Variants in CDH13 observed in about 807,000 individuals in gnomAD.
CDH13 encodes the protein cadherin 13.
A neutral mutation model predicts 63.8 loss-of-function variants in CDH13; 24 were observed. That is an observed-to-expected ratio of 0.38 (90% CI 0.27 to 0.53). The LOEUF is 0.53. Ranked by LOEUF, CDH13 falls within the 20% of genes least tolerant of loss-of-function variation. The pLI is 0.85. For synonymous variants in CDH13, 503 were observed against 355.3 expected, an observed-to-expected ratio of 1.42 and a Z score of -4.67; for missense variants, 1,049 against 903.1, an observed-to-expected ratio of 1.16 and a Z score of -2.07.
At chr16:82,672,814 C>A (rs535868684) in intron 1 of CDH13, among the ~76,000 whole-genome samples, 4 of 151,242 alleles carry the variant, frequency 2.6e-5, no homozygotes, top group African/African-American at 9.7e-5. Flanking sequence ...CACACACACA[C>A]ACAAAATATA....
At chr16:82,776,528 T>C (rs927941249) in intron 1 of CDH13, among the ~76,000 whole-genome samples, 5 of 152,230 alleles carry the variant, frequency 3.3e-5, no homozygotes, top group Non-Finnish European at 7.3e-5. Flanking sequence ...GCAAGTATTA[T>C]AATGTGCAGA....
chr16:82,848,137 C>A (rs143463764), intron 1 of CDH13, among the ~76,000 whole-genome samples: 1 of 152,146 alleles, frequency 6.6e-6, no homozygotes, highest in East Asian at 1.9e-4. Context: ...TGAGAAAGTT[C>A]ATTGACACTA....
At chr16:83,074,918 C>A (rs564759608) in intron 3 of CDH13, among the ~76,000 whole-genome samples, 1 of 152,242 alleles carries the variant, frequency 6.6e-6, no homozygotes, top group African/African-American at 2.4e-5. Flanking sequence ...GTGTCCAACA[C>A]TTATAATGAG....
At chr16:83,247,984 C>CAGGCTGTTGA (rs930231369) in intron 5 of CDH13, among the ~76,000 whole-genome samples, 2 of 152,098 alleles carry the variant, frequency 1.3e-5, no homozygotes, top group Non-Finnish European at 2.9e-5. Context: ...CAGGAAGCCC[C>CAGGCTGTTGA]AGGCTGTTGA....
chr16:82,798,968 T>C (rs1040889547), intron 1 of CDH13, among the ~76,000 whole-genome samples: 19 of 152,258 alleles, frequency 1.2e-4, no homozygotes, highest in African/African-American at 4.3e-4. Flanking sequence ...CAGAGTTATT[T>C]AGGACCTGAC....
At chr16:83,526,897 C>G (rs1296717153) in intron 7 of CDH13, among the ~76,000 whole-genome samples, 1 of 152,070 alleles carries the variant, frequency 6.6e-6, no homozygotes, top group Non-Finnish European at 1.5e-5. Flanking sequence ...TTTGGGAGGC[C>G]AAGGCGGGCA....
chr16:82,962,570 G>T (rs1370538350), intron 2 of CDH13, among the ~76,000 whole-genome samples: 1 of 152,174 alleles, frequency 6.6e-6, no homozygotes, highest in Non-Finnish European at 1.5e-5. Context: ...AACTCATAAG[G>T]CTGAAGACAG....
chr16:83,421,285 C>T (rs901339614), intron 6 of CDH13, among the ~76,000 whole-genome samples: 1 of 152,094 alleles, frequency 6.6e-6, no homozygotes, highest in African/African-American at 2.4e-5. Context: ...CTATATTAAG[C>T]TGCAAATAAA....
chr16:83,006,701 C>G (rs1913534420), intron 2 of CDH13, among the ~76,000 whole-genome samples: 1 of 152,032 alleles, frequency 6.6e-6, no homozygotes, highest in Non-Finnish European at 1.5e-5. Flanking sequence ...TAGCCAGGAG[C>G]CCTTACTGAT....
chr16:83,537,836 A>T lies in CDH13; in HGVS notation c.960+51181A>T, dbSNP rs371318700. ...ATCAGGCCATTATACCAATCTTCCC[A>T]TGTTTCCTACCATATTTCTAAAAGA... On this transcript the variant is annotated intron_variant, in intron 7 of 13. Transcript: ENST00000567109. Among the ~76,000 whole-genome samples, 15 of 152,296 alleles carry T rather than the reference A, an allele frequency of 9.8e-5. No homozygotes were observed. The South Asian group carries it at 2.1e-3, about 21-fold the overall frequency.
intron 13 of CDH13, among the ~76,000 whole-genome samples, chr16:83,787,079 A>G (rs563325361): frequency 5.3e-5 from 8 of 152,196 alleles, no homozygotes; most frequent in Non-Finnish European, 1.0e-4. Flanking sequence ...TCACTCACAC[A>G]CATTCACACA....
intron 7 of CDH13, among the ~76,000 whole-genome samples, chr16:83,497,767 G>T (rs141979910): frequency 8.9e-4 from 135 of 152,310 alleles, no homozygotes; most frequent in African/African-American, 3.2e-3. Context: ...GCCAGCACTG[G>T]TCTATTAGAT....
At chr16:83,566,054 C>T (rs1567769065) in intron 7 of CDH13, among the ~76,000 whole-genome samples, 1 of 152,328 alleles carries the variant, frequency 6.6e-6, no homozygotes, top group South Asian at 2.1e-4. Context: ...GGCTACAGAA[C>T]TGTGTTCATC....
At chr16:83,255,971 T>C (rs1906210780) in intron 5 of CDH13, among the ~76,000 whole-genome samples, 1 of 152,178 alleles carries the variant, frequency 6.6e-6, no homozygotes, top group Admixed American at 6.5e-5. Context: ...GAAGATTTGA[T>C]GCAGACCCAA....
At chr16:83,449,620 A>G (rs1017682325) in intron 6 of CDH13, among the ~76,000 whole-genome samples, 11 of 152,192 alleles carry the variant, frequency 7.2e-5, no homozygotes, top group African/African-American at 2.7e-4. Flanking sequence ...AATACACAGG[A>G]TGCAGTTCCC....
At chr16:83,234,431 A>G (rs749760440) in intron 5 of CDH13, among the ~76,000 whole-genome samples, 57 of 152,114 alleles carry the variant, frequency 3.7e-4, no homozygotes, top group Non-Finnish European at 6.5e-4. Flanking sequence ...TGGAGAGGAT[A>G]GGTGATTAGA....
intron 5 of CDH13, among the ~76,000 whole-genome samples, chr16:83,311,277 ATGTG>A (rs1369840910): frequency 6.6e-6 from 1 of 152,032 alleles, no homozygotes; most frequent in Non-Finnish European, 1.5e-5. Flanking sequence ...TCTTATCAGG[ATGTG>A]TGTCCCGGTG....
At chr16:82,689,668 AG>A (rs1915440215) in intron 1 of CDH13, among the ~76,000 whole-genome samples, 1 of 152,116 alleles carries the variant, frequency 6.6e-6, no homozygotes, top group South Asian at 2.1e-4. Flanking sequence ...GGATGTGCAT[AG>A]CCCCCTCCCG....
intron 2 of CDH13, among the ~76,000 whole-genome samples, chr16:82,946,771 A>G (rs1904768422): frequency 6.6e-6 from 1 of 152,144 alleles, no homozygotes; most frequent in South Asian, 2.1e-4. Flanking sequence ...CAAAATCTCA[A>G]GGCAACATAT....
Sources: gnomAD v4.1 joint callset for allele counts (sites outside exome capture counted in the v4.1 genomes callset) on GRCh38, gnomAD v4.1.1 for gene constraint, MANE v1.5 for transcripts, NCBI Gene and HGNC (gene_info 2026-07-23, HGNC 2026-07-21) for gene names.